The following PHIP variants were observed in gnomAD, a reference collection of about 807,000 sequenced individuals.
PHIP encodes PHIP subunit of CUL4-Ring ligase complex, also known as PH-interacting protein.
Under a neutral mutation model 236.8 loss-of-function variants are expected in PHIP, and 54 were observed. The ratio of observed to expected loss-of-function variants is 0.23; its 90% CI spans 0.18 to 0.29. The LOEUF (loss-of-function observed/expected upper bound fraction) is 0.29, where lower values mean the gene tolerates loss of function less well. Among genes scored for constraint, PHIP ranks in the 10% least tolerant of loss-of-function variants. The pLI is 1.00. For synonymous variants in PHIP, 756 were observed against 718.9 expected (o/e 1.05, Z -0.83); for missense variants, 1,370 against 2,190.8 (o/e 0.63, Z 7.48).
At chr6:78,970,966 A>G (rs1767496970) in intron 24 of PHIP, 78 bp from the exon 25 acceptor site, 2 of 939,020 alleles carry the variant, frequency 2.1e-6, no homozygotes, top group South Asian at 3.1e-5. Flanking sequence ...CTGAAATTGC[A>G]AAGAGAAAAT....
chr6:79,003,361 G>C (rs1214777560), intron 16 of PHIP, among the ~76,000 whole-genome samples: 1 of 151,886 alleles, frequency 6.6e-6, no homozygotes, highest in Non-Finnish European at 1.5e-5. Context: ...TTGTACCCTA[G>C]ATAAGTACGT....
At chr6:78,944,111 G>A (rs983308027) in intron 39 of PHIP, among the ~76,000 whole-genome samples, 1 of 151,456 alleles carries the variant, frequency 6.6e-6, no homozygotes, top group Non-Finnish European at 1.5e-5. Context: ...ATTAAACTAG[G>A]AGGGAAAAAA....
At position 78,934,878 on chromosome 6, in the gene PHIP, A is replaced by C. The variant is rs1488677895; in HGVS notation, c.*5815T>G. ...ATTACACTGTGCTGCCAGTATGTCT[A>C]ACCAATTAGGTAGAAAGGTATTTCA... On this transcript the variant is annotated 3_prime_UTR_variant, in exon 40 of 40. Coordinates refer to ENST00000275034, the MANE Select transcript of PHIP (RefSeq NM_017934.7). 6.6e-6 allele frequency among the ~76,000 whole-genome samples: 1 copy of C among 152,180 alleles called. No individual in the cohort carries two copies. The highest frequency in any genetic ancestry group is 1.5e-5 in the Non-Finnish European group (1 of 68,022).
At chr6:78,953,642 T>A (rs1766206417) in intron 35 of PHIP, among the ~76,000 whole-genome samples, 1 of 152,170 alleles carries the variant, frequency 6.6e-6, no homozygotes, top group Admixed American at 6.5e-5. Context: ...TAACATTCTA[T>A]GTTTCTGGCA....
rs1246017065 is a variant in PHIP, at chr6:78,938,858, T to G, written c.*1835A>C. On this transcript the variant is annotated 3_prime_UTR_variant, in exon 40 of 40. Coordinates refer to ENST00000275034, the MANE Select transcript of PHIP (RefSeq NM_017934.7). ...TCTAAAAAGCCCAAATGTATCACTT[T>G]TTCATTCTTCACGACAGTTAAATGA... 1 of 151,690 alleles carries G rather than the reference T, an allele frequency of 6.6e-6. No individual in the cohort carries two copies. The highest frequency in any genetic ancestry group is 1.9e-4 in the East Asian group (1 of 5,192). The allele number at this position is 151,690 out of a possible 1,614,324, so 9.4% of individuals were successfully genotyped here.
intron 29 of PHIP, among the ~76,000 whole-genome samples, chr6:78,965,340 C>T (rs968170403): frequency 6.6e-6 from 1 of 152,100 alleles, no homozygotes; most frequent in African/African-American, 2.4e-5. Flanking sequence ...AACTGATGTC[C>T]GTCTCACTCA....
rs191436187 is a variant in PHIP at position 78,941,955 on chromosome 6, T to C, written c.4829-625A>G. ...AAGGATCTGGAGATGATGAATTACC[T>C]TTCTGTTGTAGAAAAAAATGCTATA... On this transcript the variant is annotated intron_variant, in intron 39 of 39. Coordinates refer to ENST00000275034, the MANE Select transcript of PHIP (RefSeq NM_017934.7). Among the ~76,000 whole-genome samples, 1,026 of 152,282 alleles carry C rather than the reference T, an allele frequency of 6.7e-3. 3 individuals are homozygous for C. Among genetic ancestry groups the C allele is most frequent in the Non-Finnish European group, 0.011 (773 of 68,018 alleles).
chr6:79,043,017 G>C lies in PHIP; in HGVS notation c.440-14C>G, dbSNP rs940328704. 1.1e-5 allele frequency: 18 copies of C among 1,593,972 alleles called. No homozygotes were observed. The East Asian group carries it at 3.4e-4, about 30-fold the overall frequency. On this transcript the variant is annotated splice_polypyrimidine_tract_variant and intron_variant, in intron 6 of 39. Coordinates refer to ENST00000275034, the MANE Select transcript of PHIP (RefSeq NM_017934.7). ...ACAGAGTATCCGCTACCAAGAAAAA[G>C]AAGGAAAATAAATGTAATCTGGAAA...
chr6:78,972,951 C>T (rs1767710306), intron 24 of PHIP, among the ~76,000 whole-genome samples: 4 of 151,114 alleles, frequency 2.6e-5, no homozygotes, highest in African/African-American at 7.3e-5. Context: ...TTGGAAAACA[C>T]TGCAGGATAT....
At chr6:79,015,442 T>C (rs1331156042) in intron 14 of PHIP, among the ~76,000 whole-genome samples, 188 bp downstream of exon 14, 1 of 151,708 alleles carries the variant, frequency 6.6e-6, no homozygotes, top group Admixed American at 6.6e-5. Flanking sequence ...ACAGCAAATA[T>C]CTACTATATA....
intron 21 of PHIP, 136 bp from the exon 22 acceptor site, chr6:78,985,564 G>A (rs1253721237): frequency 1.5e-6 from 1 of 677,694 alleles, no homozygotes; most frequent in East Asian, 2.8e-5. Context: ...AGTTGCAAAG[G>A]GTGTTGTGGC....
chr6:79,039,820 TA>T (rs1175820897), intron 7 of PHIP, among the ~76,000 whole-genome samples: 3 of 152,054 alleles, frequency 2.0e-5, no homozygotes, highest in African/African-American at 4.8e-5. Context: ...TAAAACCAAG[TA>T]AAAAACATTA....
intron 17 of PHIP, among the ~76,000 whole-genome samples, chr6:78,999,676 C>T (rs1185839655): frequency 6.6e-6 from 1 of 151,878 alleles, no homozygotes; most frequent in African/African-American, 2.4e-5. Flanking sequence ...AAGATCTGAT[C>T]AGCTCAGAAT....
At position 78,940,996 on chromosome 6, in the gene PHIP, C is replaced by T. The variant is rs1434921010; in HGVS notation, c.5163G>A (p.Lys1721=). Residue 1721 remains lysine, a synonymous_variant, in exon 40 of 40, where the codon AAG becomes AAA. Coordinates refer to ENST00000275034, the MANE Select transcript of PHIP (RefSeq NM_017934.7). ...RGGRKPKRKM[K]TQKLDADLLV... ...GGAGATCTGCATCTAATTTTTGTGT[C>T]TTCATCTTCCTTTTGGGCTTCCTAC... 3 of 1,613,956 alleles carry T rather than the reference C, an allele frequency of 1.9e-6. No homozygotes were observed.
intron 6 of PHIP, among the ~76,000 whole-genome samples, chr6:79,056,901 A>G (rs557779774): frequency 1.6e-3 from 240 of 152,288 alleles, no homozygotes; most frequent in Middle Eastern, 3.4e-3. Context: ...GAGTGAATGA[A>G]TAATGTAGAA....
chr6:78,997,053 G>A (rs1221418366), intron 19 of PHIP, among the ~76,000 whole-genome samples: 2 of 150,504 alleles, frequency 1.3e-5, no homozygotes, highest in South Asian at 4.2e-4. Flanking sequence ...TGAATGGCTG[G>A]CTAAATCCAT....
chr6:78,947,325 C>T lies in PHIP; in HGVS notation c.4206+298G>A, dbSNP rs9361473. Among the ~76,000 whole-genome samples the T allele has an allele frequency of 0.19, 29,362 of 152,078 alleles. 3,101 individuals carry two copies. Among genetic ancestry groups the T allele is most frequent in the Admixed American group, 0.25 (3,779 of 15,286 alleles). On this transcript the variant is annotated intron_variant, in intron 36 of 39. Coordinates refer to ENST00000275034, the MANE Select transcript of PHIP (RefSeq NM_017934.7). The stretch of plus-strand genomic sequence containing the variant: ...TAAAAATCTTCGCAAAAATGCTCCA[C>T]AAGGCAGATAATAGCTAGAAAACTC...
rs977694012 is a variant in PHIP, at chr6:78,935,079, G to A, written c.*5614C>T. Among the ~76,000 whole-genome samples, 8 of 151,984 alleles carry A rather than the reference G, an allele frequency of 5.3e-5. No individual in the cohort carries two copies. Among genetic ancestry groups the A allele is most frequent in the Non-Finnish European group, 7.4e-5 (5 of 67,988 alleles). On this transcript the variant is annotated 3_prime_UTR_variant, in exon 40 of 40. Coordinates refer to ENST00000275034, the MANE Select transcript of PHIP (RefSeq NM_017934.7). ...CTGGGGAATCCTGGGTCATAAAATT[G>A]GTATTATTACAAAAGAGAAATAAGT...
At position 78,945,821 on chromosome 6, in the gene PHIP, T is replaced by A. The variant is rs1267390277; in HGVS notation, c.4630+180A>T. ...TTTTAAGCATTAGTCTATAATGACC[T>A]AAACCTCAATTTAATTCTTCTTATT... On this transcript the variant is annotated intron_variant, in intron 38 of 39. Coordinates refer to ENST00000275034, the MANE Select transcript of PHIP (RefSeq NM_017934.7). 3 of 618,218 alleles carry A rather than the reference T, an allele frequency of 4.9e-6. No homozygotes were observed. The African/African-American group carries it at 5.6e-5, about 11-fold the overall frequency. The allele number at this position is 618,218 out of a possible 1,614,324, so 38.3% of individuals were successfully genotyped here.
Sources: gnomAD v4.1 joint callset for allele counts (sites outside exome capture counted in the v4.1 genomes callset) on GRCh38, gnomAD v4.1.1 for gene constraint, MANE v1.5 for transcripts, NCBI Gene and HGNC (gene_info 2026-07-23, HGNC 2026-07-21) for gene names.